Variants in ARHGAP15 observed in about 807,000 individuals in gnomAD.
ARHGAP15 encodes the protein rho GTPase-activating protein 15.
ARHGAP15 carries 51 observed loss-of-function variants against 63.7 expected under a neutral mutation model. That is an observed-to-expected ratio of 0.80 (90% CI 0.64 to 1.01). The LOEUF (loss-of-function observed/expected upper bound fraction) is 1.01, where lower values mean the gene tolerates loss of function less well. Ranked by LOEUF, ARHGAP15 falls within the 50% of genes least tolerant of loss-of-function variation. ARHGAP15 has a pLI of 0.00. For missense variants in ARHGAP15, 560 were observed against 564.6 expected (o/e 0.99, Z 0.08); for synonymous variants, 191 against 193.8 (o/e 0.99, Z 0.12).
chr2:143,393,535 G>A (rs1056066646), intron 6 of ARHGAP15, among the ~76,000 whole-genome samples: 1 of 151,818 alleles, frequency 6.6e-6, no homozygotes, highest in African/African-American at 2.4e-5. Flanking sequence ...AGATCAAGAC[G>A]ATCCTGACCA....
At chr2:143,467,242 CTTTT>C (rs202115707) in intron 8 of ARHGAP15, among the ~76,000 whole-genome samples, 2 of 57,912 alleles carry the variant, frequency 3.5e-5, no homozygotes, top group Non-Finnish European at 6.0e-5. Context: ...ACTCCATGGC[CTTTT>C]TTTTTTTTTT....
chr2:143,479,777 G>T (rs1691988748), intron 8 of ARHGAP15, among the ~76,000 whole-genome samples: 3 of 151,564 alleles, frequency 2.0e-5, no homozygotes, highest in South Asian at 2.1e-4. Flanking sequence ...AAATGTCATT[G>T]TGTTTCTCTA....
rs963572382 is a variant in ARHGAP15 at position 143,421,701 on chromosome 2, TA to T, written c.475-13897del. Among the ~76,000 whole-genome samples, 27 of 151,670 alleles carry T rather than the reference TA, an allele frequency of 1.8e-4. No homozygotes were observed. The East Asian group carries it at 2.5e-3, about 14-fold the overall frequency. The stretch of plus-strand genomic sequence containing the variant: ...CACATATAGTAAAGGGAGGTATTAT[TA>T]AATAAAACTTTTGTTTCAATTATAT... On this transcript the variant is annotated intron_variant, in intron 6 of 13. Transcript: ENST00000295095.
intron 12 of ARHGAP15, among the ~76,000 whole-genome samples, chr2:143,699,475 T>G (rs1347647025): frequency 6.6e-6 from 1 of 152,196 alleles, no homozygotes; most frequent in Non-Finnish European, 1.5e-5. Context: ...GAGAAAAATA[T>G]TTCTATAAAA....
chr2:143,355,684 A>G (rs1223284837), intron 6 of ARHGAP15, among the ~76,000 whole-genome samples: 2 of 152,150 alleles, frequency 1.3e-5, no homozygotes, highest in East Asian at 1.9e-4. Context: ...AAATCCCTAG[A>G]TACATTTTGT....
intron 12 of ARHGAP15, among the ~76,000 whole-genome samples, chr2:143,655,485 T>C (rs889358957): frequency 5.3e-5 from 8 of 152,204 alleles, no homozygotes; most frequent in African/African-American, 1.9e-4. Flanking sequence ...GAATCTGTTA[T>C]CTAACTGATA....
At chr2:143,416,072 T>TA (rs1463443740) in intron 6 of ARHGAP15, among the ~76,000 whole-genome samples, 13 of 151,344 alleles carry the variant, frequency 8.6e-5, no homozygotes, top group African/African-American at 3.2e-4. Context: ...AAATCACCGC[T>TA]AAAGAACTTA....
At chr2:143,717,691 T>G (rs1045203423) in intron 13 of ARHGAP15, among the ~76,000 whole-genome samples, 1 of 152,184 alleles carries the variant, frequency 6.6e-6, no homozygotes, top group Non-Finnish European at 1.5e-5. Flanking sequence ...TTGACATTTG[T>G]GTATTATTTA....
At chr2:143,155,062 C>A (rs1690023586) in intron 1 of ARHGAP15, among the ~76,000 whole-genome samples, 1 of 151,654 alleles carries the variant, frequency 6.6e-6, no homozygotes, top group African/African-American at 2.4e-5. Flanking sequence ...TTTTGTTCAC[C>A]AAGAATGGGT....
At chr2:143,132,687 G>A (rs1688958396) in intron 1 of ARHGAP15, among the ~76,000 whole-genome samples, 1 of 152,106 alleles carries the variant, frequency 6.6e-6, no homozygotes, top group Admixed American at 6.6e-5. Context: ...TAAAAAGAGG[G>A]GTCTCCTGAT....
chr2:143,351,737 A>G (rs1685582601), intron 6 of ARHGAP15, among the ~76,000 whole-genome samples: 1 of 152,186 alleles, frequency 6.6e-6, no homozygotes, highest in African/African-American at 2.4e-5. Flanking sequence ...TTGTGTCTAC[A>G]TCAGTAAGAT....
chr2:143,442,441 C>T (rs1206390809), intron 8 of ARHGAP15, among the ~76,000 whole-genome samples: 2 of 152,176 alleles, frequency 1.3e-5, no homozygotes, highest in South Asian at 2.1e-4. Flanking sequence ...ACTTCTGTAC[C>T]GTCTCCACCA....
intron 6 of ARHGAP15, among the ~76,000 whole-genome samples, chr2:143,360,925 T>C (rs1374094203): frequency 6.6e-6 from 1 of 152,218 alleles, no homozygotes; most frequent in African/African-American, 2.4e-5. Flanking sequence ...GATACATAAA[T>C]TGGAACACAT....
chr2:143,465,361 C>T (rs994448920), intron 8 of ARHGAP15, among the ~76,000 whole-genome samples: 21 of 152,076 alleles, frequency 1.4e-4, no homozygotes, highest in African/African-American at 4.8e-4. Context: ...TTACTAAGGC[C>T]ACTAAATCAT....
At chr2:143,414,185 T>C (rs1186065586) in intron 6 of ARHGAP15, among the ~76,000 whole-genome samples, 1 of 150,734 alleles carries the variant, frequency 6.6e-6, no homozygotes, top group African/African-American at 2.4e-5. Context: ...CCAAAGAAAA[T>C]GTACTAAAAA....
At chr2:143,155,278 T>C (rs367881327) in intron 1 of ARHGAP15, among the ~76,000 whole-genome samples, 199 bp from the exon 2 acceptor site, 1 of 151,904 alleles carries the variant, frequency 6.6e-6, no homozygotes, top group Non-Finnish European at 1.5e-5. Flanking sequence ...CTCTGTTATG[T>C]ATAGTGCTAT....
intron 6 of ARHGAP15, among the ~76,000 whole-genome samples, chr2:143,407,008 G>A (rs556544503): frequency 1.3e-5 from 2 of 151,958 alleles, no homozygotes; most frequent in African/African-American, 4.8e-5. Context: ...AACTACAAGG[G>A]AGGCTTAGAA....
intron 9 of ARHGAP15, among the ~76,000 whole-genome samples, chr2:143,499,439 C>A (rs748376288): frequency 2.0e-4 from 31 of 152,290 alleles, no homozygotes; most frequent in Non-Finnish European, 4.0e-4. Context: ...ACAGCTCTTT[C>A]ATAGAAACAC....
chr2:143,755,385 T>G (rs1686540379), intron 13 of ARHGAP15, among the ~76,000 whole-genome samples: 1 of 152,194 alleles, frequency 6.6e-6, no homozygotes, highest in Non-Finnish European at 1.5e-5. Context: ...CTGCAGTACA[T>G]GTAAATGCAT....
Sources: allele counts gnomAD v4.1 joint callset (sites outside exome capture counted in the v4.1 genomes callset), GRCh38; gene constraint gnomAD v4.1.1; transcripts MANE v1.5; gene names NCBI Gene and HGNC (gene_info 2026-07-23, HGNC 2026-07-21).